The following FSTL4 variants were observed in gnomAD, a reference collection of about 807,000 sequenced individuals.
FSTL4 encodes follistatin-related protein 4.
A neutral mutation model predicts 78.2 loss-of-function variants in FSTL4; 28 were observed. The ratio of observed to expected loss-of-function variants is 0.36; its 90% CI spans 0.27 to 0.49. FSTL4 has a LOEUF of 0.49. FSTL4 is among the 20% of genes least tolerant of loss of function. The pLI is 0.98. For synonymous variants in FSTL4, 422 were observed against 440.5 expected (o/e 0.96, Z 0.53); for missense variants, 922 against 1,084.9 (o/e 0.85, Z 2.11).
intron 11 of FSTL4, among the ~76,000 whole-genome samples, chr5:133,223,792 A>G (rs533482600): frequency 6.6e-6 from 1 of 152,204 alleles, no homozygotes; most frequent in Non-Finnish European, 1.5e-5. Flanking sequence ...CAATCAAAGC[A>G]TATTTAAGGT....
the FSTL4 span, among the ~76,000 whole-genome samples, chr5:133,774,614 T>G: frequency 6.6e-6 from 1 of 152,232 alleles, no homozygotes; most frequent in Non-Finnish European, 1.5e-5. Flanking sequence ...TCTTAAAATT[T>G]GTTTGCTGGT....
intron 6 of FSTL4, among the ~76,000 whole-genome samples, chr5:133,295,460 CA>C (rs1219405614): frequency 1.3e-5 from 2 of 152,290 alleles, no homozygotes; most frequent in Admixed American, 1.3e-4. Flanking sequence ...CGTGTGTTTG[CA>C]AAAGCCTTCT....
the FSTL4 span, among the ~76,000 whole-genome samples, chr5:133,784,712 C>T: frequency 6.6e-6 from 1 of 151,442 alleles, no homozygotes; most frequent in Non-Finnish European, 1.5e-5. Flanking sequence ...TAAGTGAGAC[C>T]TGTTAACATT....
the FSTL4 span, among the ~76,000 whole-genome samples, chr5:133,704,892 G>A: frequency 6.6e-6 from 1 of 152,206 alleles, no homozygotes; most frequent in Non-Finnish European, 1.5e-5. Flanking sequence ...CAGAATCAAG[G>A]TTCATCTGTG....
the FSTL4 span, among the ~76,000 whole-genome samples, chr5:133,838,437 G>T: frequency 6.6e-6 from 1 of 152,198 alleles, no homozygotes; most frequent in Admixed American, 6.5e-5. Flanking sequence ...GGGGCCTCCC[G>T]TGAGTTTCCA....
intron 1 of FSTL4, among the ~76,000 whole-genome samples, chr5:133,606,651 C>G (rs1760984835): frequency 6.6e-6 from 1 of 152,212 alleles, no homozygotes; most frequent in Admixed American, 6.5e-5. Context: ...ACAGAGTAAA[C>G]ACACAGAGCA....
chr5:133,817,386 T>C, the FSTL4 span, among the ~76,000 whole-genome samples: 2 of 152,112 alleles, frequency 1.3e-5, no homozygotes, highest in African/African-American at 2.4e-5. Context: ...GTCCTTCAAA[T>C]AGAGGAGCTT....
At chr5:133,767,857 G>GCTTTGTGCAGCATCTCCCT in the FSTL4 span, among the ~76,000 whole-genome samples, 3 of 152,342 alleles carry the variant, frequency 2.0e-5, no homozygotes, top group Non-Finnish European at 4.4e-5. Flanking sequence ...CAGGGGTGCT[G>GCTTTGTGCAGCATCTCCCT]CTTTGTGCAG....
At chr5:133,797,760 C>T in the FSTL4 span, among the ~76,000 whole-genome samples, 1 of 152,164 alleles carries the variant, frequency 6.6e-6, no homozygotes, top group Non-Finnish European at 1.5e-5. Flanking sequence ...ACCTTATCTG[C>T]ATCTTCCATC....
intron 3 of FSTL4, among the ~76,000 whole-genome samples, chr5:133,533,938 T>G (rs936459554): frequency 6.6e-6 from 1 of 152,118 alleles, no homozygotes; most frequent in Non-Finnish European, 1.5e-5. Flanking sequence ...GTGCTCCTCA[T>G]CTACATCTCC....
the FSTL4 span, among the ~76,000 whole-genome samples, chr5:133,764,786 C>T: frequency 2.6e-5 from 4 of 152,192 alleles, no homozygotes; most frequent in East Asian, 1.9e-4. Context: ...TAGACACATT[C>T]GATCCGAATC....
intron 6 of FSTL4, among the ~76,000 whole-genome samples, chr5:133,255,810 G>T (rs1752366858): frequency 6.6e-6 from 1 of 152,190 alleles, no homozygotes; most frequent in Admixed American, 6.5e-5. Flanking sequence ...AAAGCAGGAG[G>T]CCATAACATT....
At chr5:133,226,082 G>A (rs1751324118) in intron 8 of FSTL4, among the ~76,000 whole-genome samples, 1 of 152,172 alleles carries the variant, frequency 6.6e-6, no homozygotes, top group African/African-American at 2.4e-5. Context: ...CGATCAGAAG[G>A]CCATCCAAAT....
At chr5:133,597,817 G>A (rs1169133123) in intron 2 of FSTL4, among the ~76,000 whole-genome samples, 1 of 152,206 alleles carries the variant, frequency 6.6e-6, no homozygotes, top group African/African-American at 2.4e-5. Context: ...TGGGCCTAGG[G>A]ACAGAGATGG....
intron 6 of FSTL4, among the ~76,000 whole-genome samples, chr5:133,260,164 G>T (rs555000367): frequency 2.6e-5 from 4 of 152,140 alleles, no homozygotes; most frequent in Non-Finnish European, 5.9e-5. Flanking sequence ...TGTGTCCGGC[G>T]GGCCGCTCGA....
At chr5:133,207,133 G>A (rs1750542222) in intron 14 of FSTL4, among the ~76,000 whole-genome samples, 1 of 151,322 alleles carries the variant, frequency 6.6e-6, no homozygotes, top group Non-Finnish European at 1.5e-5. Context: ...TTTGACTGAT[G>A]AAAGGCTTTC....
At chr5:133,695,841 G>A in the FSTL4 span, among the ~76,000 whole-genome samples, 2 of 152,176 alleles carry the variant, frequency 1.3e-5, no homozygotes, top group Non-Finnish European at 2.9e-5. Flanking sequence ...AAGTAAAGAT[G>A]TGAGTGACCT....
chr5:133,467,752 A>G (rs1013221061), intron 3 of FSTL4, among the ~76,000 whole-genome samples: 1 of 152,110 alleles, frequency 6.6e-6, no homozygotes, highest in African/African-American at 2.4e-5. Flanking sequence ...CTCACCTCAT[A>G]AAGGCCTCAA....
At chr5:133,540,166 C>T (rs540610507) in intron 3 of FSTL4, among the ~76,000 whole-genome samples, 3 of 152,108 alleles carry the variant, frequency 2.0e-5, no homozygotes, top group South Asian at 2.1e-4. Context: ...CCAGCTTACC[C>T]CATCAGATTC....
Sources: allele counts gnomAD v4.1 joint callset (sites outside exome capture counted in the v4.1 genomes callset), GRCh38; gene constraint gnomAD v4.1.1; transcripts MANE v1.5; gene names NCBI Gene and HGNC (gene_info 2026-07-23, HGNC 2026-07-21).